SPRED2: variants seen among roughly 807,000 people sequenced by gnomAD.
SPRED2 encodes sprouty-related, EVH1 domain-containing protein 2.
SPRED2 carries 47 observed loss-of-function variants against 43.0 expected under a neutral mutation model. The observed-to-expected ratio is 1.09, with a 90% CI of 0.87 to 1.40. The LOEUF is 1.40. Ranked by LOEUF, SPRED2 falls within the 40% of genes most tolerant of loss-of-function variation. SPRED2 has a pLI of 0.00. For missense variants in SPRED2, 561 were observed against 586.4 expected (o/e 0.96, Z 0.45); for synonymous variants, 225 against 225.7 (o/e 1.00, Z 0.03).
At chr2:65,356,344 T>C (rs988110140) in intron 1 of SPRED2, among the ~76,000 whole-genome samples, 7 of 152,166 alleles carry the variant, frequency 4.6e-5, no homozygotes, top group Admixed American at 1.3e-4. Context: ...CATATGGATG[T>C]TGAGCATACA....
At chr2:65,308,358 C>G, downstream of SPRED2, 1 of 985,458 alleles carries the variant, frequency 1.0e-6, no homozygotes, top group Non-Finnish European at 1.2e-6. Flanking sequence ...ACCCAGCCAG[C>G]TTAGTGCACT....
intron 1 of SPRED2, among the ~76,000 whole-genome samples, chr2:65,410,963 C>T (rs1676145376): frequency 6.6e-6 from 1 of 152,166 alleles, no homozygotes; most frequent in African/African-American, 2.4e-5. Context: ...TCATGGTCTG[C>T]ACAGAAGGAC....
At chr2:65,322,268 C>CTATATA (rs1558649721) in intron 4 of SPRED2, among the ~76,000 whole-genome samples, 3 of 38,350 alleles carry the variant, frequency 7.8e-5, no homozygotes, top group African/African-American at 3.0e-4. Context: ...CTCTCTCTCT[C>CTATATA]TCTATATATA....
chr2:65,392,379 T>C (rs936800157), intron 1 of SPRED2, among the ~76,000 whole-genome samples: 4 of 152,010 alleles, frequency 2.6e-5, no homozygotes, highest in Admixed American at 2.6e-4. Context: ...TATCATTATG[T>C]TGCCCAGGCT....
downstream of SPRED2, chr2:65,310,834 T>G: frequency 1.0e-6 from 1 of 981,352 alleles, no homozygotes; most frequent in Non-Finnish European, 1.2e-6. Flanking sequence ...GCCAGACAAA[T>G]ACCCCAAAGC....
chr2:65,354,738 G>A (rs7571298), intron 1 of SPRED2, among the ~76,000 whole-genome samples: 8,584 of 152,060 alleles, frequency 0.056, 879 homozygotes, highest in African/African-American at 0.2. Context: ...CAGACCACGT[G>A]TAATTGGGAC....
intron 1 of SPRED2, chr2:65,378,056 G>A (rs1410000471): frequency 1.5e-5 from 3 of 204,030 alleles, no homozygotes; most frequent in South Asian, 9.5e-5. Flanking sequence ...AAGGAGGAGA[G>A]AGCCCATCCA....
downstream of SPRED2, chr2:65,308,634 C>T (rs937844458): frequency 5.9e-5 from 51 of 866,940 alleles, no homozygotes; most frequent in Non-Finnish European, 6.5e-5. Flanking sequence ...GCTGCGTATC[C>T]CACTGTAACT....
intron 1 of SPRED2, among the ~76,000 whole-genome samples, chr2:65,362,998 A>ATTTTT (rs1558669510): frequency 2.0e-5 from 2 of 102,158 alleles, no homozygotes; most frequent in African/African-American, 8.9e-5. Context: ...TATGGTCATC[A>ATTTTT]TGTTTTGTTT....
intron 5 of SPRED2, 123 bp from the exon 6 acceptor site, chr2:65,314,292 G>A (rs552417511): frequency 2.6e-4 from 233 of 892,160 alleles, no homozygotes; most frequent in Non-Finnish European, 3.6e-4. Flanking sequence ...ACTCCATCAC[G>A]ATGCTCCGTG....
chr2:65,338,000 T>C (rs1291742190), intron 2 of SPRED2, among the ~76,000 whole-genome samples: 2 of 152,214 alleles, frequency 1.3e-5, no homozygotes. Context: ...TACTAAGAAA[T>C]GTAGTTTTTT....
chr2:65,308,462 T>C (rs888509805), downstream of SPRED2: 14 of 985,212 alleles, frequency 1.4e-5, 1 homozygote, highest in African/African-American at 2.4e-4. Flanking sequence ...GAAATAGAAA[T>C]CTCAACACAC....
intron 1 of SPRED2, among the ~76,000 whole-genome samples, chr2:65,358,462 T>C (rs1674718524): frequency 6.6e-6 from 1 of 152,242 alleles, no homozygotes; most frequent in Admixed American, 6.5e-5. Flanking sequence ...GTTGATTCTA[T>C]CTGCCTTATC....
In SPRED2 at chr2:65,311,703, G is replaced by T. The variant is rs1673071935; in HGVS notation, c.*1798C>A. ...CTCTGCTCCTTTTCCAAACTGGAAA[G>T]CCTAAACCAGTTACTCCAATGAATG... On this transcript the variant is annotated 3_prime_UTR_variant, in exon 6 of 6. Coordinates refer to ENST00000356388, the MANE Select transcript of SPRED2 (RefSeq NM_181784.3). 1 of 985,468 alleles carries T rather than the reference G, an allele frequency of 1.0e-6. No homozygotes were observed. Among genetic ancestry groups the T allele is most frequent in the East Asian group, 1.1e-4 (1 of 8,824 alleles). The allele number at this position is 985,468 out of a possible 1,614,324, so 61.0% of individuals were successfully genotyped here. A position where few individuals can be genotyped will look rare whatever the true frequency, so the allele number is the denominator to read the frequency against.
chr2:65,313,896 T>C lies in SPRED2; in HGVS notation c.862A>G (p.Ile288Val). 6.2e-7 allele frequency: 1 copy of C among 1,610,348 alleles called. No homozygotes were observed. The highest frequency in any genetic ancestry group is 1.1e-5 in the South Asian group (1 of 91,064). ...EDPKGRGGSV[I>V]KTQPSRGKSR... Reference sequence around the variant, plus strand: ...TTGCCCCGGGAGGGCTGCGTCTTGATCACGCTGCCCCCGCGGCCTTTGGGG... The same window carrying C: ...TTGCCCCGGGAGGGCTGCGTCTTGACCACGCTGCCCCCGCGGCCTTTGGGG... The change falls in exon 6 of 6, where the codon ATC (isoleucine) becomes GTC (valine). Residue 288 changes from isoleucine to valine, a missense_variant. By Grantham distance (29) the Ile-to-Val change is conservative. Transcript: ENST00000356388.
At chr2:65,411,237 G>A (rs949689914) in intron 1 of SPRED2, among the ~76,000 whole-genome samples, 3 of 152,104 alleles carry the variant, frequency 2.0e-5, no homozygotes, top group Non-Finnish European at 2.9e-5. Flanking sequence ...GTACTTTCTG[G>A]ACCCAGGCAA....
intron 1 of SPRED2, among the ~76,000 whole-genome samples, chr2:65,361,982 C>T (rs1013804769): frequency 1.3e-5 from 2 of 152,132 alleles, no homozygotes; most frequent in African/African-American, 4.8e-5. Flanking sequence ...AAGAAAACAA[C>T]AACAACAAAA....
intron 1 of SPRED2, among the ~76,000 whole-genome samples, chr2:65,401,961 A>ACG (rs1675910669): frequency 6.6e-6 from 1 of 151,136 alleles, no homozygotes; most frequent in Non-Finnish European, 1.5e-5. Flanking sequence ...ACACACACAC[A>ACG]CACACACACA....
chr2:65,339,822 ATGGT>A (rs1327296902), intron 2 of SPRED2, among the ~76,000 whole-genome samples: 1 of 152,136 alleles, frequency 6.6e-6, no homozygotes, highest in African/African-American at 2.4e-5. Context: ...CAGATTCCAC[ATGGT>A]TGAGTTTTAG....
Sources: gnomAD v4.1 joint callset for allele counts (sites outside exome capture counted in the v4.1 genomes callset) on GRCh38, gnomAD v4.1.1 for gene constraint, MANE v1.5 for transcripts, NCBI Gene and HGNC (gene_info 2026-07-23, HGNC 2026-07-21) for gene names.